Variants in HERC1 observed in about 807,000 individuals in gnomAD.
The protein encoded by HERC1 is HECT and RLD domain containing E3 ubiquitin protein ligase family member 1.
In HERC1, 160 loss-of-function variants were observed where a neutral mutation model predicts 554.3. That is an observed-to-expected ratio of 0.29 (90% confidence interval 0.25 to 0.33). The LOEUF (loss-of-function observed/expected upper bound fraction) is 0.33, where lower values mean the gene tolerates loss of function less well. Ranked by LOEUF, HERC1 falls within the 10% of genes least tolerant of loss-of-function variation. HERC1 has a pLI of 1.00. For synonymous variants in HERC1, 2,175 were observed against 2,131.7 expected, an observed-to-expected ratio of 1.02 and a Z score of -0.56; for missense variants, 4,919 against 5,918.5, an observed-to-expected ratio of 0.83 and a Z score of 5.54.
intron 59 of HERC1, among the ~76,000 whole-genome samples, chr15:63,642,145 T>C (rs1239182972): frequency 6.6e-6 from 1 of 152,178 alleles, no homozygotes; most frequent in Non-Finnish European, 1.5e-5. Flanking sequence ...GTAAATCAAA[T>C]CAGCACATCG....
intron 76 of HERC1, among the ~76,000 whole-genome samples, chr15:63,614,546 T>C (rs977906804): frequency 1.3e-5 from 2 of 152,236 alleles, no homozygotes. Flanking sequence ...CTGATGGGAC[T>C]TGGCCCAAAG....
chr15:63,696,662 G>A (rs901605992), intron 26 of HERC1, among the ~76,000 whole-genome samples: 6 of 151,980 alleles, frequency 3.9e-5, no homozygotes, highest in Non-Finnish European at 7.4e-5. Context: ...TTGTTTCCTC[G>A]TATATAAAAT....
At chr15:63,649,151 G>A (rs546347060) in intron 54 of HERC1, among the ~76,000 whole-genome samples, 8 of 152,148 alleles carry the variant, frequency 5.3e-5, no homozygotes, top group East Asian at 3.9e-4. Context: ...TGAGGAGATC[G>A]AGACCATCCT....
At chr15:63,696,525 C>T (rs1235335563) in intron 26 of HERC1, among the ~76,000 whole-genome samples, 186 bp from the exon 27 acceptor site, 1 of 152,032 alleles carries the variant, frequency 6.6e-6, no homozygotes, top group Non-Finnish European at 1.5e-5. Context: ...TATAAGCACA[C>T]ATCAGAATAA....
At chr15:63,737,016 A>T (rs995581803) in intron 12 of HERC1, among the ~76,000 whole-genome samples, 16 of 148,974 alleles carry the variant, frequency 1.1e-4, no homozygotes, top group East Asian at 2.0e-4. Flanking sequence ...TGTCTAATTT[A>T]AAAAAAAAAG....
At chr15:63,807,840 C>T (rs2077181336) in intron 1 of HERC1, among the ~76,000 whole-genome samples, 1 of 152,078 alleles carries the variant, frequency 6.6e-6, no homozygotes, top group African/African-American at 2.4e-5. Flanking sequence ...CCCTTCCTTT[C>T]CACTTATACT....
In HERC1 at chr15:63,774,685, A is replaced by G; in HGVS notation, c.930+9T>C. ...TATGAACTTTAAAGTTGAGACTTAT[A>G]GTACGTACCAAAGAACGCCTCATCT... On this transcript the variant is annotated intron_variant, in intron 2 of 77. Transcript: ENST00000443617. 1.3e-6 allele frequency: 2 copies of G among 1,572,544 alleles called. No individual in the cohort carries two copies. Among genetic ancestry groups the G allele is most frequent in the Non-Finnish European group, 1.7e-6 (2 of 1,158,448 alleles).
rs185493475 is a variant in HERC1, at chr15:63,612,907, C to T, written c.14095-351G>A. ...TCATATGTGCCCATGTGCTGTCAAA[C>T]TATGCATGTGTGGACACTTCATCTC... On this transcript the variant is annotated intron_variant, in intron 76 of 77. Transcript: ENST00000443617. The surrounding 1 kb of genome is among the most constrained non-coding windows in gnomAD (Gnocchi z 5.0). Among the ~76,000 whole-genome samples, 77 of 152,338 alleles carry T rather than the reference C, an allele frequency of 5.1e-4. No individual in the cohort carries two copies. The highest frequency in any genetic ancestry group is 8.5e-4 in the Non-Finnish European group (58 of 68,036).
At chr15:63,825,480 T>A (rs545056238) in intron 1 of HERC1, among the ~76,000 whole-genome samples, 46 of 152,250 alleles carry the variant, frequency 3.0e-4, no homozygotes, top group African/African-American at 1.0e-3. Flanking sequence ...CAAAACATCA[T>A]GTGTACACAT....
chr15:63,661,121 T>C, intron 45 of HERC1, 96 bp from the exon 46 acceptor site: 1 of 873,186 alleles, frequency 1.1e-6, no homozygotes, highest in Non-Finnish European at 1.9e-6. Context: ...AGGTCATTAA[T>C]AAAGCAGCAC....
chr15:63,656,139 C>T lies in HERC1; in HGVS notation c.9819G>A (p.Leu3273=). Residue 3273 remains leucine (L), a synonymous_variant, in exon 49 of 78, where the codon CTG becomes CTA. Coordinates refer to ENST00000443617, the MANE Select transcript of HERC1 (RefSeq NM_003922.4). The part of the protein sequence containing the change: ...LAYLSTAVGC[L]ASNAPSAAKL... ...TGGCAGCACTAGGAGCATTTGATGC[C>T]AGACATCCCACTGCTGTGCTCAAAT... The T allele has an allele frequency of 6.2e-7, 1 of 1,612,658 alleles. No homozygotes were observed. Among genetic ancestry groups the T allele is most frequent in the Non-Finnish European group, 8.5e-7 (1 of 1,179,282 alleles).
rs781379594 is a variant in HERC1 at position 63,774,701 on chromosome 15, C to T, written c.923G>A (p.Arg308His). The T allele has an allele frequency of 5.4e-5, 87 of 1,596,536 alleles. No individual in the cohort carries two copies. Among genetic ancestry groups the T allele is most frequent in the Middle Eastern group, 3.3e-4 (2 of 5,978 alleles). Residue 308 changes from arginine (R) to histidine (H), a missense_variant, in exon 2 of 78, where the codon CGT becomes CAT. By Grantham distance (29) the Arg-to-His change is conservative (BLOSUM62 0). Transcript: ENST00000443617. The part of the protein sequence containing the change: ...CFMTILMQMR[R>H]SLGSSADRSQ... The stretch of plus-strand genomic sequence containing the variant: ...GAGACTTATAGTACGTACCAAAGAA[C>T]GCCTCATCTGCATTAATATGGTCAT...
Position 63,749,263 on chromosome 15 carries a change from T to G in HERC1, c.2219+104A>C. Reference sequence around the variant, plus strand: ...AATACTATATATGTTCAGAAGAGTATTTTATGAACAAAGCACAATTATTTC... The same window carrying G: ...AATACTATATATGTTCAGAAGAGTAGTTTATGAACAAAGCACAATTATTTC... On this transcript the variant is annotated intron_variant, in intron 10 of 77. Transcript: ENST00000443617. This position sits in a 1 kb window ranked among gnomAD's most constrained non-coding sequence, Gnocchi z 4.1. The G allele has an allele frequency of 1.1e-6, 1 of 895,396 alleles. No individual in the cohort carries two copies. Among genetic ancestry groups the G allele is most frequent in the Admixed American group, 2.5e-5 (1 of 39,498 alleles). 55.5% of individuals were successfully genotyped at this position (895,396 alleles called of 1,614,324 possible).
intron 1 of HERC1, among the ~76,000 whole-genome samples, chr15:63,787,637 C>T (rs1047474751): frequency 6.6e-6 from 1 of 152,046 alleles, no homozygotes; most frequent in Non-Finnish European, 1.5e-5. Flanking sequence ...CGGTGGCACA[C>T]ATCTACAGTC....
chr15:63,764,721 A>G (rs1297077509), intron 2 of HERC1, among the ~76,000 whole-genome samples: 1 of 152,130 alleles, frequency 6.6e-6, no homozygotes, highest in African/African-American at 2.4e-5. Flanking sequence ...GGTGACCATC[A>G]AGTGATGGTC....
At chr15:63,609,594 C>T (rs1286597554) in intron 77 of HERC1, among the ~76,000 whole-genome samples, 1 of 152,196 alleles carries the variant, frequency 6.6e-6, no homozygotes, top group Non-Finnish European at 1.5e-5. Context: ...AGTAAGAGGG[C>T]ACCTGTCCTT....
intron 70 of HERC1, 98 bp from the exon 71 acceptor site, chr15:63,626,252 T>C: frequency 8.8e-7 from 1 of 1,138,662 alleles, no homozygotes; most frequent in Non-Finnish European, 1.3e-6. Flanking sequence ...TTGAGATAAT[T>C]ACACAATGGA....
intron 24 of HERC1, 61 bp downstream of exon 24, chr15:63,712,714 C>A (rs75229626): frequency 0.027 from 40,319 of 1,494,882 alleles, 704 homozygotes; most frequent in Middle Eastern, 0.072. Context: ...CTAACCAAAG[C>A]CTTACATATC....
Position 63,713,379 on chromosome 15 carries a change from G to A in HERC1, c.4437C>T (p.Ala1479=). The A allele has an allele frequency of 6.2e-7, 1 of 1,613,950 alleles. No homozygotes were observed. ...TGGTCATAAGTCCACCCCCTTCAGA[G>A]GCACTTGTTGAAGGTTGCTGCAACT... ...EGQLQQPSTS[A]SEGGGLMTRS... is the part of the protein sequence containing the mutation. Residue 1479 remains alanine, a synonymous_variant, in exon 23 of 78, where the codon GCC becomes GCT. Transcript: ENST00000443617.
Sources: gnomAD v4.1 joint callset for allele counts (sites outside exome capture counted in the v4.1 genomes callset) on GRCh38, gnomAD v4.1.1 for gene constraint, Gnocchi (gnomAD v3.1) non-coding constraint, MANE v1.5 for transcripts, NCBI Gene and HGNC (gene_info 2026-07-23, HGNC 2026-07-21) for gene names.